The following TLE2 variants were observed in gnomAD, a reference collection of about 807,000 sequenced individuals.
TLE2 encodes the protein transducin-like enhancer protein 2.
A neutral mutation model predicts 97.2 loss-of-function variants in TLE2; 74 were observed. The ratio of observed to expected loss-of-function variants is 0.76; its 90% CI spans 0.63 to 0.92. TLE2 has a LOEUF of 0.92. Among genes scored for constraint, TLE2 ranks in the 40% least tolerant of loss-of-function variants. The probability of loss-of-function intolerance (pLI) is 0.00; values close to 1 mark genes in which losing one functional copy is unlikely to be tolerated. For synonymous variants in TLE2, 499 were observed against 432.1 expected (o/e 1.15, Z -1.92); for missense variants, 1,038 against 1,008.7 (o/e 1.03, Z -0.39).
chr19:3,005,146 C>T (rs2089445685), intron 17 of TLE2, among the ~76,000 whole-genome samples: 1 of 152,106 alleles, frequency 6.6e-6, no homozygotes, highest in South Asian at 2.1e-4. Context: ...CCCAGCTACA[C>T]GAGGAAAGGC....
chr19:3,004,268 C>A (rs1426523744), intron 17 of TLE2, among the ~76,000 whole-genome samples: 1 of 152,132 alleles, frequency 6.6e-6, no homozygotes, highest in Non-Finnish European at 1.5e-5. Context: ...ATGTTCTTAG[C>A]CCACCTAAGC....
chr19:3,021,111 AAAAG>A (rs1287112386), intron 5 of TLE2, among the ~76,000 whole-genome samples: 11,798 of 104,492 alleles, frequency 0.11, 1,527 homozygotes, highest in East Asian at 0.27. Flanking sequence ...AAAAAAAAAA[AAAAG>A]GGGGGGGGGT....
intron 17 of TLE2, among the ~76,000 whole-genome samples, chr19:3,003,523 A>G (rs1007408652): frequency 2.0e-5 from 3 of 152,026 alleles, no homozygotes; most frequent in Non-Finnish European, 4.4e-5. Flanking sequence ...CTGTAATCCC[A>G]GCTACTCGGG....
chr19:3,038,108 C>T (rs1309173466), intron 1 of TLE2, among the ~76,000 whole-genome samples: 3 of 151,908 alleles, frequency 2.0e-5, no homozygotes, highest in Non-Finnish European at 4.4e-5. Flanking sequence ...GGGGACAGAG[C>T]GAGACTCTGT....
At chr19:3,030,850 G>A (rs761074409), upstream of TLE2, among the ~76,000 whole-genome samples, 2 of 151,740 alleles carry the variant, frequency 1.3e-5, no homozygotes, top group Non-Finnish European at 2.9e-5. Flanking sequence ...TACTTGGGGG[G>A]CTGAGGCGGG....
rs543674648 is a variant in TLE2 at position 3,010,978 on chromosome 19, G to A, written c.1012+44C>T. 5.1e-6 allele frequency: 8 copies of A among 1,576,850 alleles called. No homozygotes were observed. In the South Asian group the frequency reaches 9.3e-5, roughly 18 times the overall value. ...GCCCCTTTTCCTAGATCTCCCCAGA[G>A]ACGAGGCCTGCTCCAGACAGGCACC... On this transcript the variant is annotated intron_variant, in intron 12 of 19. Transcript: ENST00000262953.
chr19:3,030,254 C>T (rs1243355220), upstream of TLE2, among the ~76,000 whole-genome samples: 1 of 152,150 alleles, frequency 6.6e-6, no homozygotes, highest in Non-Finnish European at 1.5e-5. Flanking sequence ...GGAGCCGTGT[C>T]CCACTCAGAA....
chr19:3,010,822 C>A (rs952226810), intron 12 of TLE2, among the ~76,000 whole-genome samples, 200 bp downstream of exon 12: 1 of 152,124 alleles, frequency 6.6e-6, no homozygotes, highest in Non-Finnish European at 1.5e-5. Flanking sequence ...ACTCTCCAGG[C>A]CTCAGTTTCC....
intron 15 of TLE2, 78 bp from the exon 16 acceptor site, chr19:3,006,046 C>A: frequency 6.5e-7 from 1 of 1,526,718 alleles, no homozygotes; most frequent in South Asian, 1.1e-5. Flanking sequence ...ACGTGGGGGT[C>A]TCTGGAGCCC....
chr19:3,040,549 G>A (rs962848475), intron 1 of TLE2, among the ~76,000 whole-genome samples: 1 of 152,068 alleles, frequency 6.6e-6, no homozygotes, highest in African/African-American at 2.4e-5. Flanking sequence ...ATGTTACCCA[G>A]GCTGGTTTCG....
chr19:3,017,624 G>A lies in TLE2; in HGVS notation c.570+216C>T, dbSNP rs142056532. Among the ~76,000 whole-genome samples the A allele has an allele frequency of 6.0e-3, 902 of 151,464 alleles. 6 individuals carry two copies. Among genetic ancestry groups the A allele is most frequent in the African/African-American group, 0.019 (775 of 41,284 alleles). On this transcript the variant is annotated intron_variant, in intron 8 of 19. Transcript: ENST00000262953. ...GACCACCACACCCAGCCAACTTTTT[G>A]TATTTTTCTGTAGAGACGGGGTTTT...
chr19:3,037,241 C>T (rs771710571), intron 1 of TLE2, among the ~76,000 whole-genome samples: 3 of 152,250 alleles, frequency 2.0e-5, no homozygotes, highest in Admixed American at 6.5e-5. Flanking sequence ...GCCGAGTTCG[C>T]GCCACTGCAC....
At chr19:3,016,706 G>C (rs951014165) in intron 8 of TLE2, among the ~76,000 whole-genome samples, 1 of 152,092 alleles carries the variant, frequency 6.6e-6, no homozygotes, top group African/African-American at 2.4e-5. Flanking sequence ...CTAGGCGAAC[G>C]GAAGTGAGGA....
In TLE2 at chr19:3,004,530, T is replaced by A. The variant is rs2089432696; in HGVS notation, c.1896+907A>T. Among the ~76,000 whole-genome samples, 5 of 149,736 alleles carry A rather than the reference T, an allele frequency of 3.3e-5. No individual in the cohort carries two copies. The South Asian group carries it at 1.0e-3, about 31-fold the overall frequency. ...GGTGCGTTCCTGTAGTCCCAGCTAC[T>A]CAGGTGGCTGAGGCACAAGAATCAT... On this transcript the variant is annotated intron_variant, in intron 17 of 19. Coordinates refer to ENST00000262953, the MANE Select transcript of TLE2 (RefSeq NM_003260.5).
intron 7 of TLE2, among the ~76,000 whole-genome samples, chr19:3,018,579 C>T (rs983200779): frequency 6.6e-6 from 1 of 151,814 alleles, no homozygotes; most frequent in African/African-American, 2.4e-5. Context: ...AGGCGTGAAC[C>T]ACCGTGCCTG....
intron 15 of TLE2, 53 bp from the exon 16 acceptor site, chr19:3,006,021 T>C (rs2089467506): frequency 1.3e-6 from 2 of 1,596,246 alleles, no homozygotes; most frequent in African/African-American, 1.3e-5. Flanking sequence ...GTGAGGTCTC[T>C]AGGAGCCTAG....
chr19:3,006,696 A>G, intron 14 of TLE2, 27 bp from the exon 15 acceptor site: 1 of 1,559,418 alleles, frequency 6.4e-7, no homozygotes, highest in Middle Eastern at 1.7e-4. Flanking sequence ...GGCATGACCC[A>G]GCCCTGGGCA....
At position 3,019,389 on chromosome 19, in the gene TLE2, G is replaced by A. The variant is rs1043190555; in HGVS notation, c.444C>T (p.Gly148=). Reference sequence around the variant, plus strand: ...ACAGAGCAAGCAGCCCCGTAGCACTGCCGCCCACCAGCCCGGCTGGGCGGG... The same window carrying A: ...ACAGAGCAAGCAGCCCCGTAGCACTACCGCCCACCAGCCCGGCTGGGCGGG... ...LTPRPAGLVG[G]SATGLLALSG... The change falls in exon 7 of 20, where the codon GGC becomes GGT. Residue 148 remains glycine (G), a synonymous_variant. Coordinates refer to ENST00000262953, the MANE Select transcript of TLE2 (RefSeq NM_003260.5). The surrounding 1 kb of genome is among the most constrained non-coding windows in gnomAD (Gnocchi z 5.1). The A allele has an allele frequency of 2.6e-5, 40 of 1,545,448 alleles. No homozygotes were observed. The highest frequency in any genetic ancestry group is 3.4e-5 in the Non-Finnish European group (39 of 1,151,938).
chr19:3,047,584 T>C (rs1302924465), upstream of TLE2: 2 of 151,960 alleles, frequency 1.3e-5, no homozygotes, highest in Non-Finnish European at 2.9e-5. Flanking sequence ...TTATTATTAC[T>C]AGCTGACACT....
Sources: allele counts gnomAD v4.1 joint callset (sites outside exome capture counted in the v4.1 genomes callset), GRCh38; gene constraint gnomAD v4.1.1; non-coding constraint Gnocchi (gnomAD v3.1); transcripts MANE v1.5; gene names NCBI Gene and HGNC (gene_info 2026-07-23, HGNC 2026-07-21).